Variants in GRXCR1 observed in about 807,000 individuals in gnomAD.
The protein encoded by GRXCR1 is glutaredoxin domain-containing cysteine-rich protein 1.
A neutral mutation model predicts 27.3 loss-of-function variants in GRXCR1; 27 were observed. That is an observed-to-expected ratio of 0.99 (90% confidence interval 0.73 to 1.37). The LOEUF is 1.37. Among genes scored for constraint, GRXCR1 ranks in the 40% most tolerant of loss-of-function variants. The pLI is 0.00. For synonymous variants in GRXCR1, 122 were observed against 131.1 expected, an observed-to-expected ratio of 0.93 and a Z score of 0.47; for missense variants, 379 against 354.4, an observed-to-expected ratio of 1.07 and a Z score of -0.56.
chr4:42,949,080 G>A (rs114644887), intron 1 of GRXCR1, among the ~76,000 whole-genome samples: 2,691 of 152,108 alleles, frequency 0.018, 51 homozygotes, highest in African/African-American at 0.048. Context: ...TCTGGGCCAG[G>A]CCCGGTGGCT....
intron 1 of GRXCR1, among the ~76,000 whole-genome samples, chr4:42,946,933 G>A (rs765267202): frequency 5.9e-5 from 9 of 152,136 alleles, no homozygotes; most frequent in Non-Finnish European, 1.2e-4. Context: ...CAGAAAGTAC[G>A]TAATGGTGCG....
At chr4:42,898,804 T>A (rs547179252) in intron 1 of GRXCR1, among the ~76,000 whole-genome samples, 1 of 148,570 alleles carries the variant, frequency 6.7e-6, no homozygotes, top group African/African-American at 2.5e-5. Flanking sequence ...GAAATTCTTA[T>A]GTAGTGTTCT....
intron 1 of GRXCR1, among the ~76,000 whole-genome samples, chr4:42,925,740 A>G (rs747764558): frequency 2.6e-5 from 4 of 152,134 alleles, no homozygotes; most frequent in Non-Finnish European, 5.9e-5. Flanking sequence ...GGAAAGATAG[A>G]GTAACATGGA....
At position 42,893,291 on chromosome 4, in the gene GRXCR1, G is replaced by C. The variant is rs78136490; in HGVS notation, c.25G>C (p.Glu9Gln). 2 of 1,613,448 alleles carry C rather than the reference G, an allele frequency of 1.2e-6. No individual in the cohort carries two copies. The highest frequency in any genetic ancestry group is 3.3e-5 in the Admixed American group (2 of 59,934). ...CATGCTTAAAAGGGAGATGAAGCCA[G>C]AAAGTGACAGGCCACGGAAAGTCCG... MLKREMKP[E>Q]SDRPRKVRFR... Residue 9 changes from glutamate to glutamine, a missense_variant, in exon 1 of 4, where the codon GAA (glutamate) becomes CAA (glutamine). Transcript: ENST00000399770.
At chr4:42,969,314 T>A (rs1748325419) in intron 2 of GRXCR1, among the ~76,000 whole-genome samples, 1 of 152,126 alleles carries the variant, frequency 6.6e-6, no homozygotes, top group Admixed American at 6.6e-5. Flanking sequence ...GTTGATATTT[T>A]TGTTTTTGTC....
rs190438890 is a variant in GRXCR1 at position 42,986,410 on chromosome 4, C to A, written c.627+23276C>A. 7.2e-4 allele frequency among the ~76,000 whole-genome samples: 110 copies of A among 152,256 alleles called. 4 individuals carry two copies. Among genetic ancestry groups the A allele is most frequent in the Middle Eastern group, 6.8e-3 (2 of 294 alleles). On this transcript the variant is annotated intron_variant, in intron 2 of 3. Transcript: ENST00000399770. ...GGCCCAGGGGCCAGTCAATTCTCATCCATTTCCTTTGACTTTCAGCACCTC... is the reference window on the plus strand; with the variant it reads ...GGCCCAGGGGCCAGTCAATTCTCATACATTTCCTTTGACTTTCAGCACCTC...
intron 2 of GRXCR1, among the ~76,000 whole-genome samples, chr4:42,991,620 T>C (rs1342127796): frequency 1.3e-5 from 2 of 152,118 alleles, no homozygotes; most frequent in Non-Finnish European, 2.9e-5. Flanking sequence ...CTTTGAAACA[T>C]TGTCTACCAA....
At chr4:42,910,344 G>A (rs934043691) in intron 1 of GRXCR1, among the ~76,000 whole-genome samples, 15 of 152,136 alleles carry the variant, frequency 9.9e-5, no homozygotes, top group African/African-American at 3.1e-4. Context: ...TTGATCCTGC[G>A]TCTCTCCAGG....
chr4:42,956,724 C>T (rs1003772434), intron 1 of GRXCR1, among the ~76,000 whole-genome samples: 9 of 152,044 alleles, frequency 5.9e-5, no homozygotes, highest in African/African-American at 1.9e-4. Context: ...TGGCTCAAAA[C>T]GTGGACTACA....
chr4:43,028,410 C>G (rs1713323685), intron 3 of GRXCR1, among the ~76,000 whole-genome samples: 1 of 152,176 alleles, frequency 6.6e-6, no homozygotes, highest in Non-Finnish European at 1.5e-5. Flanking sequence ...CTCTACTTTA[C>G]TAGGAACTCA....
rs573025366 is a variant in GRXCR1 at position 42,936,259 on chromosome 4, C to G, written c.385-26633C>G. 6.7e-4 allele frequency among the ~76,000 whole-genome samples: 101 copies of G among 151,808 alleles called. 1 individual carries two copies. Among genetic ancestry groups the G allele is most frequent in the African/African-American group, 2.4e-3 (99 of 41,484 alleles). On this transcript the variant is annotated intron_variant, in intron 1 of 3. Coordinates refer to ENST00000399770, the MANE Select transcript of GRXCR1 (RefSeq NM_001080476.3). The stretch of plus-strand genomic sequence containing the variant: ...ACCAAAATTTGCTGACATCTGAGAC[C>G]ACATACCAAGTTGAAAATTAGTGTT...
chr4:42,949,213 A>C (rs756480102), intron 1 of GRXCR1, among the ~76,000 whole-genome samples: 39 of 151,818 alleles, frequency 2.6e-4, no homozygotes, highest in Admixed American at 6.6e-4. Context: ...CACACACAAA[A>C]AAAAAGCTGG....
intron 1 of GRXCR1, among the ~76,000 whole-genome samples, chr4:42,938,521 C>T (rs1006686307): frequency 1.3e-5 from 2 of 151,966 alleles, no homozygotes; most frequent in African/African-American, 4.8e-5. Context: ...ACACTGTTCT[C>T]TATAGTGGTT....
intron 2 of GRXCR1, among the ~76,000 whole-genome samples, chr4:42,986,695 G>T (rs901796928): frequency 4.6e-5 from 7 of 152,026 alleles, no homozygotes; most frequent in African/African-American, 1.7e-4. Flanking sequence ...AATAACTTAG[G>T]GGAACTCTGA....
chr4:43,020,609 C>T lies in GRXCR1; in HGVS notation c.693+190C>T, dbSNP rs75909227. ...GCAGCTAGAGTGACTTTAATGTTAACTTCTAATGATCTCATACTATTAGGT... is the reference window on the plus strand; with the variant it reads ...GCAGCTAGAGTGACTTTAATGTTAATTTCTAATGATCTCATACTATTAGGT... On this transcript the variant is annotated intron_variant, in intron 3 of 3. Transcript: ENST00000399770. 0.014 allele frequency among the ~76,000 whole-genome samples: 2,175 copies of T among 152,272 alleles called. 52 individuals carry two copies. Among genetic ancestry groups the T allele is most frequent in the African/African-American group, 0.049 (2,038 of 41,548 alleles).
chr4:43,005,617 G>A (rs1460417960), intron 2 of GRXCR1, among the ~76,000 whole-genome samples: 1 of 152,100 alleles, frequency 6.6e-6, no homozygotes, highest in Non-Finnish European at 1.5e-5. Context: ...AAACACCAAG[G>A]GTTCAAGCCA....
intron 2 of GRXCR1, among the ~76,000 whole-genome samples, chr4:42,987,238 T>TATTATATATAC (rs1553943929): frequency 1.6e-5 from 1 of 63,606 alleles, no homozygotes; most frequent in African/African-American, 5.0e-5. Flanking sequence ...ATTATATATA[T>TATTATATATAC]ATAATATATA....
At chr4:42,916,211 A>C (rs1418546653) in intron 1 of GRXCR1, among the ~76,000 whole-genome samples, 1 of 152,140 alleles carries the variant, frequency 6.6e-6, no homozygotes, top group Non-Finnish European at 1.5e-5. Context: ...AAAACAGTAA[A>C]GGAAGATACC....
intron 2 of GRXCR1, among the ~76,000 whole-genome samples, chr4:43,004,620 A>G (rs535273870): frequency 3.9e-5 from 6 of 152,294 alleles, no homozygotes; most frequent in South Asian, 2.1e-4. Context: ...CCCTGGAGAC[A>G]TGTAGTCAAA....
Sources: gnomAD v4.1 joint callset for allele counts (sites outside exome capture counted in the v4.1 genomes callset) on GRCh38, gnomAD v4.1.1 for gene constraint, MANE v1.5 for transcripts, NCBI Gene and HGNC (gene_info 2026-07-23, HGNC 2026-07-21) for gene names.